Variants in SNTG2 observed in about 807,000 individuals in gnomAD.
SNTG2 encodes gamma-2-syntrophin.
SNTG2 carries 74 observed loss-of-function variants against 70.9 expected under a neutral mutation model. The observed-to-expected ratio is 1.04, with a 90% CI of 0.86 to 1.27. The LOEUF (loss-of-function observed/expected upper bound fraction) is 1.27. Ranked by LOEUF, SNTG2 falls within the 50% of genes most tolerant of loss-of-function variation. SNTG2 has a pLI of 0.00. For synonymous variants in SNTG2, 278 were observed against 273.8 expected (o/e 1.02, Z -0.15); for missense variants, 717 against 690.7 (o/e 1.04, Z -0.43).
At chr2:1,251,687 G>T (rs1342760722) in intron 12 of SNTG2, among the ~76,000 whole-genome samples, 4 of 136,720 alleles carry the variant, frequency 2.9e-5, no homozygotes, top group African/African-American at 1.1e-4. Flanking sequence ...CACATCACAT[G>T]CACACACCAT....
chr2:1,126,901 C>T (rs1260773827), intron 4 of SNTG2, among the ~76,000 whole-genome samples: 1 of 152,094 alleles, frequency 6.6e-6, no homozygotes, highest in African/African-American at 2.4e-5. Context: ...AAAATATTTT[C>T]TCCCATTCCG....
At chr2:1,050,798 A>G (rs1262099930) in intron 1 of SNTG2, among the ~76,000 whole-genome samples, 2 of 152,210 alleles carry the variant, frequency 1.3e-5, no homozygotes, top group Non-Finnish European at 2.9e-5. Context: ...CATCAAATCC[A>G]TAAACAAGAT....
At chr2:1,110,773 G>A (rs1477114992) in intron 4 of SNTG2, among the ~76,000 whole-genome samples, 2 of 152,210 alleles carry the variant, frequency 1.3e-5, no homozygotes, top group Non-Finnish European at 2.9e-5. Flanking sequence ...AATTCAAAAT[G>A]TGATACAACT....
chr2:1,246,599 A>C (rs532917186), intron 11 of SNTG2, among the ~76,000 whole-genome samples: 9 of 152,296 alleles, frequency 5.9e-5, no homozygotes, highest in Non-Finnish European at 1.3e-4. Context: ...TTTTAATGCT[A>C]AGCATATGTT....
rs1678365256 is a variant in SNTG2 at position 1,260,645 on chromosome 2, A to G, written c.1077+1204A>G. On this transcript the variant is annotated intron_variant, in intron 13 of 16. Coordinates refer to ENST00000308624, the MANE Select transcript of SNTG2 (RefSeq NM_018968.4). ...TCTAGTTATTGTTGCTTTCATTTTA[A>G]AAATTATTCTGTTTTCGAAATTATC... 2.6e-5 allele frequency among the ~76,000 whole-genome samples: 4 copies of G among 152,344 alleles called. No homozygotes were observed. The South Asian group carries it at 8.3e-4, about 32-fold the overall frequency.
chr2:1,227,701 C>A (rs1166771025), intron 9 of SNTG2, among the ~76,000 whole-genome samples: 4 of 152,218 alleles, frequency 2.6e-5, no homozygotes, highest in Non-Finnish European at 5.9e-5. Context: ...TGGCCTGTTG[C>A]GGTCAGCCTT....
chr2:1,340,646 C>A (rs1660037766), intron 16 of SNTG2, among the ~76,000 whole-genome samples: 1 of 152,130 alleles, frequency 6.6e-6, no homozygotes, highest in Non-Finnish European at 1.5e-5. Flanking sequence ...AAATGTTTGA[C>A]ATAAATGTGA....
At chr2:1,268,897 G>A (rs1055672929) in intron 14 of SNTG2, among the ~76,000 whole-genome samples, 2 of 152,126 alleles carry the variant, frequency 1.3e-5, no homozygotes, top group Non-Finnish European at 2.9e-5. Context: ...CTCCATTCGC[G>A]TGTGTGTGCA....
intron 4 of SNTG2, among the ~76,000 whole-genome samples, chr2:1,115,627 T>G (rs1312063109): frequency 1.3e-5 from 2 of 152,136 alleles, no homozygotes; most frequent in African/African-American, 4.8e-5. Flanking sequence ...ATGTACTAAG[T>G]GAGGTTTAAC....
chr2:1,306,925 C>T (rs889633133), intron 14 of SNTG2, among the ~76,000 whole-genome samples: 2 of 151,632 alleles, frequency 1.3e-5, no homozygotes, highest in Non-Finnish European at 2.9e-5. Flanking sequence ...CGTGTGTAAG[C>T]CGCATGCTGT....
At chr2:1,286,180 T>C (rs779862138) in intron 14 of SNTG2, among the ~76,000 whole-genome samples, 1 of 152,110 alleles carries the variant, frequency 6.6e-6, no homozygotes, top group Non-Finnish European at 1.5e-5. Flanking sequence ...CAGAACATAA[T>C]GTCGAGGGAA....
chr2:1,365,673 C>T (rs13393039), intron 16 of SNTG2, among the ~76,000 whole-genome samples: 2,473 of 152,296 alleles, frequency 0.016, 60 homozygotes, highest in African/African-American at 0.055. Context: ...ATCTTGGCCT[C>T]CCTCTCCCTG....
rs112209111 is a variant in SNTG2, at chr2:1,166,018, A to G, written c.499+383A>G. Among the ~76,000 whole-genome samples, 797 of 152,352 alleles carry G rather than the reference A, an allele frequency of 5.2e-3. 7 individuals carry two copies. The highest frequency in any genetic ancestry group is 9.8e-3 in the Admixed American group (150 of 15,306). On this transcript the variant is annotated intron_variant, in intron 7 of 16. Coordinates refer to ENST00000308624, the MANE Select transcript of SNTG2 (RefSeq NM_018968.4). ...CAGTGCAAAAAATGAAAATAATGGT[A>G]CATTTATGCTATGAAGTCCCTGACA... is the stretch of plus-strand genomic sequence containing the variant.
At chr2:1,149,541 C>T (rs1669326289) in intron 6 of SNTG2, among the ~76,000 whole-genome samples, 2 of 152,102 alleles carry the variant, frequency 1.3e-5, no homozygotes, top group African/African-American at 2.4e-5. Flanking sequence ...AACTCAAGTC[C>T]TAATGTGCTT....
chr2:1,041,514 G>C (rs1661434714), intron 1 of SNTG2, among the ~76,000 whole-genome samples: 2 of 152,252 alleles, frequency 1.3e-5, no homozygotes, highest in South Asian at 4.1e-4. Context: ...AGTGTTGGAG[G>C]TGGAGCCTGG....
intron 14 of SNTG2, among the ~76,000 whole-genome samples, chr2:1,306,952 G>T (rs1030705969): frequency 6.6e-6 from 1 of 152,130 alleles, no homozygotes. Flanking sequence ...GCTGTAGGCT[G>T]TGTGGGTGTG....
At chr2:1,299,074 A>G (rs1680338970) in intron 14 of SNTG2, among the ~76,000 whole-genome samples, 1 of 152,170 alleles carries the variant, frequency 6.6e-6, no homozygotes, top group Non-Finnish European at 1.5e-5. Context: ...ATATATATCT[A>G]TCCCATTAGT....
rs564609387 is a variant in SNTG2 at position 986,058 on chromosome 2, T to C, written c.72+34990T>C. Among the ~76,000 whole-genome samples the C allele has an allele frequency of 8.7e-5, 11 of 126,798 alleles. No individual in the cohort carries two copies. In the South Asian group the frequency reaches 2.7e-3, roughly 31 times the overall value. The allele number at this position is 126,798 out of a possible 152,430, so 83.2% of individuals were successfully genotyped here. ...TATTTACAGGGAAAAATACATTCCC[T>C]GCAAATAATAGAGAGAGAGAGAGAG... On this transcript the variant is annotated intron_variant, in intron 1 of 16. Transcript: ENST00000308624.
At chr2:1,242,352 G>A (rs924112156) in intron 11 of SNTG2, among the ~76,000 whole-genome samples, 1 of 151,908 alleles carries the variant, frequency 6.6e-6, no homozygotes, top group African/African-American at 2.4e-5. Flanking sequence ...TTATGTGAAA[G>A]GATAAATAAA....
Sources: allele counts gnomAD v4.1 joint callset (sites outside exome capture counted in the v4.1 genomes callset), GRCh38; gene constraint gnomAD v4.1.1; transcripts MANE v1.5; gene names NCBI Gene and HGNC (gene_info 2026-07-23, HGNC 2026-07-21).